Variants in TRIOBP observed in about 807,000 individuals in gnomAD.
TRIOBP encodes TRIO and F-actin-binding protein.
Under a neutral mutation model 238.8 loss-of-function variants are expected in TRIOBP, and 169 were observed. The observed-to-expected ratio is 0.71, with a 90% CI of 0.62 to 0.80. The LOEUF (loss-of-function observed/expected upper bound fraction) is 0.80. Ranked by LOEUF, TRIOBP falls within the 30% of genes least tolerant of loss-of-function variation. The probability of loss-of-function intolerance (pLI) is 0.00; values close to 1 mark genes in which losing one functional copy is unlikely to be tolerated. For synonymous variants in TRIOBP, 1,150 were observed against 1,274.4 expected, an observed-to-expected ratio of 0.90 and a Z score of 2.08; for missense variants, 2,838 against 3,122.6, an observed-to-expected ratio of 0.91 and a Z score of 2.17.
intron 3 of TRIOBP, among the ~76,000 whole-genome samples, chr22:37,705,610 C>T (rs1232764779): frequency 6.6e-6 from 1 of 151,870 alleles, no homozygotes; most frequent in Non-Finnish European, 1.5e-5. Context: ...GAGTCTCGCT[C>T]TGTCGCACAG....
intron 11 of TRIOBP, among the ~76,000 whole-genome samples, chr22:37,742,802 T>C (rs960792795): frequency 2.0e-5 from 3 of 152,218 alleles, no homozygotes; most frequent in Non-Finnish European, 4.4e-5. Context: ...ACTTATTGTA[T>C]GCCTACTACA....
chr22:37,768,290 C>T, intron 19 of TRIOBP, 114 bp downstream of exon 19: 2 of 857,900 alleles, frequency 2.3e-6, no homozygotes, highest in Admixed American at 2.0e-5. Context: ...ATTCCTGCTC[C>T]AGTCTCATGG....
At chr22:37,701,807 A>C (rs920426795) in intron 3 of TRIOBP, among the ~76,000 whole-genome samples, 41 of 152,362 alleles carry the variant, frequency 2.7e-4, no homozygotes, top group African/African-American at 9.6e-4. Context: ...AACTAGAATT[A>C]CTTCCTGTTA....
chr22:37,733,294 A>C lies in TRIOBP; in HGVS notation c.3948-4A>C. On this transcript the variant is annotated splice_polypyrimidine_tract_variant and splice_region_variant and intron_variant, in intron 7 of 23. Coordinates refer to ENST00000644935, the MANE Select transcript of TRIOBP (RefSeq NM_001039141.3). ...CTCAGAGGAGTGGCTGCATTTGCTC[A>C]TAGGAAGTCCGAGGCAGCGGGGGCC... is the stretch of plus-strand genomic sequence containing the variant. The C allele has an allele frequency of 6.5e-7, 1 of 1,549,466 alleles. No individual in the cohort carries two copies. Among genetic ancestry groups the C allele is most frequent in the African/African-American group, 1.4e-5 (1 of 73,168 alleles).
In TRIOBP at chr22:37,719,995, C is replaced by CA. The variant is rs765989283; in HGVS notation, c.629-3190_629-3189insA. Among the ~76,000 whole-genome samples, 31 of 9,554 alleles carry CA rather than the reference C, an allele frequency of 3.2e-3. 1 individual carries two copies. Among genetic ancestry groups the CA allele is most frequent in the African/African-American group, 4.7e-3 (30 of 6,340 alleles). The allele number at this position is 9,554 out of a possible 152,430, so 6.3% of individuals were successfully genotyped here. A position where few individuals can be genotyped will look rare whatever the true frequency, so the allele number is the denominator to read the frequency against. On this transcript the variant is annotated intron_variant, in intron 6 of 23. Transcript: ENST00000644935. Reference sequence around the variant, plus strand: ...CACTCACTGTTTCACTCATCCCCCCCCGCCCTTTTTTTTTTTTTTTTTTTT... The same window carrying CA: ...CACTCACTGTTTCACTCATCCCCCCCACGCCCTTTTTTTTTTTTTTTTTTTT...
At chr22:37,727,879 C>T (rs1000081633) in intron 7 of TRIOBP, among the ~76,000 whole-genome samples, 2 of 152,026 alleles carry the variant, frequency 1.3e-5, no homozygotes, top group South Asian at 2.1e-4. Flanking sequence ...TTCCAGCCCT[C>T]GAGTTTTCAA....
At chr22:37,719,429 T>G (rs1269515585) in intron 6 of TRIOBP, among the ~76,000 whole-genome samples, 1 of 151,858 alleles carries the variant, frequency 6.6e-6, no homozygotes, top group Non-Finnish European at 1.5e-5. Context: ...GTGTGGGATT[T>G]GCGAGCCCTG....
At chr22:37,759,796 C>G in intron 17 of TRIOBP, 1 of 1,347,380 alleles carries the variant, frequency 7.4e-7, no homozygotes, top group East Asian at 3.1e-5. Flanking sequence ...GGACATTTGG[C>G]TGTGTCTGGG....
At chr22:37,736,178 A>G (rs563362538) in intron 9 of TRIOBP, among the ~76,000 whole-genome samples, 1 of 152,366 alleles carries the variant, frequency 6.6e-6, no homozygotes, top group African/African-American at 2.4e-5. Flanking sequence ...CTTGAAGCCC[A>G]GAACATTCTT....
chr22:37,727,252 G>GTTT (rs544456439), intron 7 of TRIOBP, among the ~76,000 whole-genome samples: 2 of 144,638 alleles, frequency 1.4e-5, no homozygotes. Flanking sequence ...AGACTCATGG[G>GTTT]TTTTTTTTTT....
In TRIOBP at chr22:37,743,114, G is replaced by A. The variant is rs1290466404; in HGVS notation, c.5322+2082G>A. 2.6e-5 allele frequency among the ~76,000 whole-genome samples: 4 copies of A among 152,192 alleles called. No homozygotes were observed. In the South Asian group the frequency reaches 6.2e-4, roughly 24 times the overall value. The stretch of plus-strand genomic sequence containing the variant: ...CAGATTTTCCCCATTAGAAAGATGC[G>A]GCAACCGAGGCTTGGTGAGGTTGGC... On this transcript the variant is annotated intron_variant, in intron 11 of 23. Transcript: ENST00000644935.
At chr22:37,711,292 A>C (rs1372438262) in intron 4 of TRIOBP, among the ~76,000 whole-genome samples, 1 of 152,094 alleles carries the variant, frequency 6.6e-6, no homozygotes, top group East Asian at 1.9e-4. Context: ...ACAAACAAAA[A>C]AACAGCCTGG....
rs892220326 is a variant in TRIOBP, at chr22:37,751,092, T to G, written c.5323-680T>G. The stretch of plus-strand genomic sequence containing the variant: ...CAGAAAAATATCAGGATGAGCAACT[T>G]CTTTATCTAGGCCTGGGTGGGGGTG... On this transcript the variant is annotated intron_variant, in intron 11 of 23. Transcript: ENST00000644935. 32 of 428,108 alleles carry G rather than the reference T, an allele frequency of 7.5e-5. No homozygotes were observed. In the Admixed American group the frequency reaches 8.0e-4, roughly 11 times the overall value. 26.5% of individuals were successfully genotyped at this position (428,108 alleles called of 1,614,324 possible).
chr22:37,766,315 G>A (rs1326452174), intron 18 of TRIOBP, among the ~76,000 whole-genome samples: 1 of 151,980 alleles, frequency 6.6e-6, no homozygotes, highest in Non-Finnish European at 1.5e-5. Context: ...CTCCCCTCCT[G>A]CCACCGCACA....
At chr22:37,704,376 C>T (rs1007021613) in intron 3 of TRIOBP, among the ~76,000 whole-genome samples, 7 of 143,592 alleles carry the variant, frequency 4.9e-5, no homozygotes, top group African/African-American at 1.6e-4. Context: ...GAGTTGGACC[C>T]TGACTCAGAA....
At chr22:37,754,183 G>A (rs12485175) in intron 12 of TRIOBP, among the ~76,000 whole-genome samples, 38,317 of 152,086 alleles carry the variant, frequency 0.25, 5,761 homozygotes, top group South Asian at 0.41. Flanking sequence ...GCCAAGGCAG[G>A]TGAATCACCT....
At chr22:37,715,143 T>A (rs1162566179) in intron 5 of TRIOBP, among the ~76,000 whole-genome samples, 1 of 151,986 alleles carries the variant, frequency 6.6e-6, no homozygotes, top group African/African-American at 2.4e-5. Flanking sequence ...GCCTCTCGAG[T>A]ATCTGGGATT....
chr22:37,759,407 C>T (rs778855613), intron 17 of TRIOBP, 143 bp downstream of exon 17: 1 of 1,274,832 alleles, frequency 7.8e-7, no homozygotes, highest in Non-Finnish European at 1.1e-6. Flanking sequence ...CTCATTTACT[C>T]TCCCCACAGC....
chr22:37,755,036 G>C, intron 13 of TRIOBP, 52 bp downstream of exon 13: 1 of 1,611,070 alleles, frequency 6.2e-7, no homozygotes, highest in Non-Finnish European at 8.5e-7. Flanking sequence ...GGGTGGCCTG[G>C]CTGGGTTCAC....
Sources: allele counts gnomAD v4.1 joint callset (sites outside exome capture counted in the v4.1 genomes callset), GRCh38; gene constraint gnomAD v4.1.1; transcripts MANE v1.5; gene names NCBI Gene and HGNC (gene_info 2026-07-23, HGNC 2026-07-21).